ADAMTS17: variants seen among roughly 807,000 people sequenced by gnomAD.
ADAMTS17 encodes ADAM metallopeptidase with thrombospondin type 1 motif 17, also known as A disintegrin and metalloproteinase with thrombospondin motifs 17.
Under a neutral mutation model 141.5 loss-of-function variants are expected in ADAMTS17, and 113 were observed. The observed-to-expected ratio is 0.80, with a 90% CI of 0.69 to 0.93. ADAMTS17 has a LOEUF of 0.93. Among genes scored for constraint, ADAMTS17 ranks in the 40% least tolerant of loss-of-function variants. ADAMTS17 has a pLI of 0.00. For missense variants in ADAMTS17, 1,659 were observed against 1,517.9 expected, an observed-to-expected ratio of 1.09 and a Z score of -1.54; for synonymous variants, 768 against 630.6, an observed-to-expected ratio of 1.22 and a Z score of -3.27.
intron 18 of ADAMTS17, among the ~76,000 whole-genome samples, chr15:100,006,588 A>G (rs1025184051): frequency 6.6e-6 from 1 of 152,242 alleles, no homozygotes; most frequent in Non-Finnish European, 1.5e-5. Flanking sequence ...TTAAATTATC[A>G]AAAAACAGCA....
Position 100,261,781 on chromosome 15 carries a change from T to C in ADAMTS17, c.874-145A>G, listed in dbSNP as rs550784560. The C allele has an allele frequency of 7.9e-6, 7 of 891,310 alleles. No homozygotes were observed. In the South Asian group the frequency reaches 8.7e-5, roughly 11 times the overall value. 55.2% of individuals were successfully genotyped at this position (891,310 alleles called of 1,614,324 possible). On this transcript the variant is annotated intron_variant, in intron 5 of 21. Transcript: ENST00000268070. ...TCACGGCCCTCGAAGAAAAGCCTGA[T>C]GCTAGTGGGTACGTGGCATAGATCC...
intron 15 of ADAMTS17, among the ~76,000 whole-genome samples, chr15:100,087,369 C>T (rs2035177107): frequency 6.6e-6 from 1 of 152,136 alleles, no homozygotes; most frequent in African/African-American, 2.4e-5. Flanking sequence ...CAAAAAATGT[C>T]CAGGACCAGA....
intron 6 of ADAMTS17, among the ~76,000 whole-genome samples, chr15:100,257,368 C>T (rs1480656454): frequency 6.6e-6 from 1 of 152,242 alleles, no homozygotes; most frequent in African/African-American, 2.4e-5. Context: ...TGCGGCCTCC[C>T]CCGTCCTTCA....
intron 20 of ADAMTS17, among the ~76,000 whole-genome samples, chr15:99,981,923 C>T (rs1401950222): frequency 6.6e-6 from 1 of 152,216 alleles, no homozygotes; most frequent in African/African-American, 2.4e-5. Flanking sequence ...AGGTAATATA[C>T]TCTCCTAAAG....
chr15:100,335,898 G>A (rs2046194431), intron 2 of ADAMTS17, among the ~76,000 whole-genome samples: 1 of 152,168 alleles, frequency 6.6e-6, no homozygotes, highest in South Asian at 2.1e-4. Context: ...TATGCATCTG[G>A]GGACCTGTGC....
At chr15:99,986,489 A>G (rs1461785792) in intron 20 of ADAMTS17, among the ~76,000 whole-genome samples, 1 of 152,104 alleles carries the variant, frequency 6.6e-6, no homozygotes, top group Non-Finnish European at 1.5e-5. Flanking sequence ...TCTCCACATC[A>G]CACACAGAAA....
chr15:100,138,465 C>G (rs948194772), intron 10 of ADAMTS17, among the ~76,000 whole-genome samples: 1 of 152,052 alleles, frequency 6.6e-6, no homozygotes, highest in Non-Finnish European at 1.5e-5. Flanking sequence ...ATATAAGAAA[C>G]TGGAAATAAC....
At chr15:99,983,479 G>A (rs977481997) in intron 20 of ADAMTS17, among the ~76,000 whole-genome samples, 2 of 152,016 alleles carry the variant, frequency 1.3e-5, no homozygotes, top group African/African-American at 4.8e-5. Flanking sequence ...TCCCCACAGC[G>A]GGATTCCCTT....
At chr15:100,169,840 G>A (rs551730843) in intron 8 of ADAMTS17, among the ~76,000 whole-genome samples, 57 of 152,304 alleles carry the variant, frequency 3.7e-4, no homozygotes, top group African/African-American at 1.3e-3. Context: ...GCTTTGGGGA[G>A]AACAGGTGTT....
At chr15:100,226,767 G>A (rs1213891145) in intron 7 of ADAMTS17, among the ~76,000 whole-genome samples, 1 of 152,178 alleles carries the variant, frequency 6.6e-6, no homozygotes, top group Non-Finnish European at 1.5e-5. Context: ...TGGGAGTGAT[G>A]GGATTAAATT....
rs2573625 is a variant in ADAMTS17 at position 99,972,953 on chromosome 15, C to T, written c.*1449G>A. On this transcript the variant is annotated 3_prime_UTR_variant, in exon 22 of 22. Coordinates refer to ENST00000268070, the MANE Select transcript of ADAMTS17 (RefSeq NM_139057.4). ...CCATGGAAGTCCAAGTGAGACCTTC[C>T]GTCTGAAATCAGGGAGGAGGTGTTA... 93,373 of 152,046 alleles carry T rather than the reference C, an allele frequency of 0.61. 29,044 individuals are homozygous for T. Among genetic ancestry groups the T allele is most frequent in the Non-Finnish European group, 0.65 (44,483 of 67,986 alleles). 9.4% of individuals were successfully genotyped at this position (152,046 alleles called of 1,614,324 possible).
intron 15 of ADAMTS17, among the ~76,000 whole-genome samples, chr15:100,092,345 C>T (rs140984785): frequency 2.1e-4 from 32 of 152,300 alleles, no homozygotes; most frequent in Non-Finnish European, 4.1e-4. Context: ...TGATTCTATT[C>T]AGAAAACACT....
intron 3 of ADAMTS17, among the ~76,000 whole-genome samples, chr15:100,295,524 A>T (rs951649683): frequency 1.3e-5 from 2 of 152,192 alleles, no homozygotes; most frequent in Non-Finnish European, 2.9e-5. Flanking sequence ...TCAGAGGTGC[A>T]GCCATCTAGG....
intron 7 of ADAMTS17, among the ~76,000 whole-genome samples, chr15:100,234,838 G>A (rs1043722580): frequency 7.2e-5 from 11 of 152,230 alleles, no homozygotes; most frequent in Admixed American, 2.0e-4. Flanking sequence ...CTCCCAAGGC[G>A]CCCCCTCCAC....
chr15:100,196,595 T>C (rs1185293921), intron 8 of ADAMTS17, among the ~76,000 whole-genome samples: 1 of 152,266 alleles, frequency 6.6e-6, no homozygotes, highest in Non-Finnish European at 1.5e-5. Flanking sequence ...CAGCATTCCA[T>C]GGTAAGGGAC....
At chr15:100,234,855 T>C (rs1325302813) in intron 7 of ADAMTS17, among the ~76,000 whole-genome samples, 1 of 152,186 alleles carries the variant, frequency 6.6e-6, no homozygotes. Flanking sequence ...CCACAGCCTA[T>C]GCACAGCTGT....
chr15:100,295,951 C>G (rs1423411451), intron 3 of ADAMTS17, among the ~76,000 whole-genome samples: 2 of 152,130 alleles, frequency 1.3e-5, no homozygotes, highest in African/African-American at 4.8e-5. Context: ...CTGCCATAGA[C>G]AGGAAAGTTG....
At chr15:100,033,339 CA>C (rs1030844682) in intron 18 of ADAMTS17, among the ~76,000 whole-genome samples, 2 of 152,228 alleles carry the variant, frequency 1.3e-5, no homozygotes, top group African/African-American at 4.8e-5. Context: ...GAGAATCACA[CA>C]GCTGCTGATG....
At chr15:100,145,850 C>G (rs1349853537) in intron 10 of ADAMTS17, among the ~76,000 whole-genome samples, 1 of 152,214 alleles carries the variant, frequency 6.6e-6, no homozygotes, top group East Asian at 1.9e-4. Context: ...ACATTCTAAT[C>G]TTTAACGCAT....
Sources: allele counts gnomAD v4.1 joint callset (sites outside exome capture counted in the v4.1 genomes callset), GRCh38; gene constraint gnomAD v4.1.1; transcripts MANE v1.5; gene names NCBI Gene and HGNC (gene_info 2026-07-23, HGNC 2026-07-21).